The following KPNA3 variants were observed in gnomAD, a reference collection of about 807,000 sequenced individuals.
KPNA3 encodes karyopherin subunit alpha 3.
Under a neutral mutation model 73.8 loss-of-function variants are expected in KPNA3, and 13 were observed. That is an observed-to-expected ratio of 0.18 (90% CI 0.11 to 0.28). The LOEUF (loss-of-function observed/expected upper bound fraction) is 0.28, where lower values mean the gene tolerates loss of function less well. Among genes scored for constraint, KPNA3 ranks in the 10% least tolerant of loss-of-function variants. KPNA3 has a pLI of 1.00. For missense variants in KPNA3, 360 were observed against 618.1 expected (o/e 0.58, Z 4.43); for synonymous variants, 186 against 206.9 (o/e 0.90, Z 0.87).
At chr13:49,769,829 T>C (rs542462349) in intron 1 of KPNA3, among the ~76,000 whole-genome samples, 6 of 152,322 alleles carry the variant, frequency 3.9e-5, no homozygotes, top group Middle Eastern at 6.8e-3. Flanking sequence ...CATCTCGAAC[T>C]GCTATTTTCT....
At position 49,717,641 on chromosome 13, in the gene KPNA3, G is replaced by C. The variant is rs192632946; in HGVS notation, c.771+2134C>G. On this transcript the variant is annotated intron_variant, in intron 10 of 16. Coordinates refer to ENST00000261667, the MANE Select transcript of KPNA3 (RefSeq NM_002267.4). ...ATATGACATGAGACAAATTACTTAA[G>C]TACCTCTGCTTCTTTTACAACGTTT... Among the ~76,000 whole-genome samples the C allele has an allele frequency of 3.0e-3, 451 of 152,150 alleles. 1 individual carries two copies. The highest frequency in any genetic ancestry group is 0.01 in the African/African-American group (432 of 41,510).
At chr13:49,701,934 T>C (rs1303481076) in intron 16 of KPNA3, 36 bp from the exon 17 acceptor site, 4 of 1,362,548 alleles carry the variant, frequency 2.9e-6, no homozygotes, top group Admixed American at 3.4e-5. Flanking sequence ...TATTAGGTTA[T>C]GATACTATAC....
At chr13:49,731,326 C>T (rs560963260) in intron 6 of KPNA3, among the ~76,000 whole-genome samples, 3 of 136,722 alleles carry the variant, frequency 2.2e-5, no homozygotes, top group East Asian at 2.4e-4. Context: ...TGGACTCAAG[C>T]GATCCACCTA....
intron 2 of KPNA3, among the ~76,000 whole-genome samples, chr13:49,738,132 C>T (rs1054431061): frequency 1.3e-5 from 2 of 152,164 alleles, no homozygotes; most frequent in Non-Finnish European, 2.9e-5. Flanking sequence ...TCCTTCCCTC[C>T]ATTGAATTGG....
At chr13:49,766,639 T>C (rs1489608469) in intron 1 of KPNA3, among the ~76,000 whole-genome samples, 1 of 152,208 alleles carries the variant, frequency 6.6e-6, no homozygotes, top group Non-Finnish European at 1.5e-5. Context: ...AAGACAAGCA[T>C]TATTTTGATC....
intron 15 of KPNA3, among the ~76,000 whole-genome samples, chr13:49,703,361 T>A (rs1954168745): frequency 6.6e-6 from 1 of 151,300 alleles, no homozygotes; most frequent in Non-Finnish European, 1.5e-5. Flanking sequence ...TTTGTGTTTT[T>A]AGTAGAGACG....
intron 2 of KPNA3, among the ~76,000 whole-genome samples, chr13:49,737,571 G>C (rs1446303626): frequency 1.2e-4 from 1 of 8,424 alleles, no homozygotes; most frequent in African/African-American, 1.6e-4. Flanking sequence ...CTGTGTGTGT[G>C]TGTGTGTGTG....
Position 49,792,658 on chromosome 13 carries a change from G to A in KPNA3, c.-152C>T, listed in dbSNP as rs1180442051. The A allele has an allele frequency of 1.9e-6, 1 of 517,122 alleles. No homozygotes were observed. Among genetic ancestry groups the A allele is most frequent in the Non-Finnish European group, 3.3e-6 (1 of 299,172 alleles). The allele number at this position is 517,122 out of a possible 1,614,324, so 32.0% of individuals were successfully genotyped here. On this transcript the variant is annotated 5_prime_UTR_variant, in exon 1 of 17. Transcript: ENST00000261667. ...CGCCTCCGAGCGCGAGGTGGCAGTA[G>A]CGCCGGGGGAGGCGCGGGCCGACTG...
chr13:49,739,280 C>T (rs1282622121), intron 2 of KPNA3, among the ~76,000 whole-genome samples: 1 of 152,050 alleles, frequency 6.6e-6, no homozygotes, highest in Non-Finnish European at 1.5e-5. Flanking sequence ...ATATAATGTG[C>T]CAAAAGTTGA....
intron 1 of KPNA3, among the ~76,000 whole-genome samples, chr13:49,777,268 T>C (rs1273755953): frequency 2.6e-5 from 4 of 152,158 alleles, no homozygotes; most frequent in East Asian, 3.9e-4. Flanking sequence ...CACAAAGATA[T>C]GCTGAAGAGT....
At chr13:49,713,312 AC>A (rs1954276811) in intron 10 of KPNA3, among the ~76,000 whole-genome samples, 1 of 152,036 alleles carries the variant, frequency 6.6e-6, no homozygotes, top group African/African-American at 2.4e-5. Flanking sequence ...ACACACACAC[AC>A]ACACACAAAT....
chr13:49,732,785 G>GAA lies in KPNA3; in HGVS notation c.205-11_205-10dup. The GAA allele has an allele frequency of 7.7e-6, 11 of 1,434,668 alleles. No individual in the cohort carries two copies. The highest frequency in any genetic ancestry group is 9.5e-6 in the Non-Finnish European group (10 of 1,056,480). The allele number at this position is 1,434,668 out of a possible 1,614,324, so 88.9% of individuals were successfully genotyped here. ...TCTAGGGTTACATTTTGCTTAAAAA[G>GAA]AAAAAAAAAATAGTTCAGCAGAGTT... On this transcript the variant is annotated splice_polypyrimidine_tract_variant and intron_variant, in intron 3 of 16. Transcript: ENST00000261667.
At chr13:49,744,528 A>G (rs1368857225) in intron 2 of KPNA3, among the ~76,000 whole-genome samples, 1 of 152,228 alleles carries the variant, frequency 6.6e-6, no homozygotes, top group Admixed American at 6.5e-5. Flanking sequence ...AAACAAAAAA[A>G]TGATCTTCCT....
Position 49,710,917 on chromosome 13 carries a change from G to A in KPNA3, c.877C>T (p.Leu293=). ...SGVVPFLVPL[L]SHQEVKVQTA... ...TGAACTTTGACTTCCTGATGGCTCAGAAGGGGCACAAGAAAGGGCACAACT... is the reference window on the plus strand; with the variant it reads ...TGAACTTTGACTTCCTGATGGCTCAAAAGGGGCACAAGAAAGGGCACAACT... Residue 293 remains leucine, a synonymous_variant, in exon 11 of 17, where the codon CTG becomes TTG. Coordinates refer to ENST00000261667, the MANE Select transcript of KPNA3 (RefSeq NM_002267.4). 1 of 1,613,810 alleles carries A rather than the reference G, an allele frequency of 6.2e-7. No individual in the cohort carries two copies. The highest frequency in any genetic ancestry group is 8.5e-7 in the Non-Finnish European group (1 of 1,179,864).
At chr13:49,702,034 AT>A (rs1354019721) in intron 16 of KPNA3, 136 bp from the exon 17 acceptor site, 1 of 601,852 alleles carries the variant, frequency 1.7e-6, no homozygotes, top group Non-Finnish European at 2.9e-6. Context: ...GAGTAAATCA[AT>A]AATTTTATTA....
chr13:49,719,937 A>C, intron 9 of KPNA3, 118 bp from the exon 10 acceptor site: 2 of 642,162 alleles, frequency 3.1e-6, no homozygotes, highest in Non-Finnish European at 5.3e-6. Flanking sequence ...ACAATGTTAA[A>C]TTTGTCTGAA....
At chr13:49,726,760 CG>C (rs1954413579) in intron 6 of KPNA3, among the ~76,000 whole-genome samples, 1 of 150,400 alleles carries the variant, frequency 6.6e-6, no homozygotes, top group Admixed American at 6.6e-5. Context: ...CTGGGCAACA[CG>C]GTGAGACCCC....
At chr13:49,726,140 A>G (rs531779149) in intron 6 of KPNA3, among the ~76,000 whole-genome samples, 1 of 152,246 alleles carries the variant, frequency 6.6e-6, no homozygotes, top group South Asian at 2.1e-4. Context: ...ATCACCCCTA[A>G]TATCAAGTGC....
chr13:49,722,830 TAA>T (rs10693298), intron 7 of KPNA3, among the ~76,000 whole-genome samples: 4 of 79,638 alleles, frequency 5.0e-5, no homozygotes, highest in Non-Finnish European at 4.7e-5. Flanking sequence ...TATAATCCAT[TAA>T]AAAAAAAAAA....
Sources: allele counts gnomAD v4.1 joint callset (sites outside exome capture counted in the v4.1 genomes callset), GRCh38; gene constraint gnomAD v4.1.1; transcripts MANE v1.5; gene names NCBI Gene and HGNC (gene_info 2026-07-23, HGNC 2026-07-21).